KIAA1217: variants seen among roughly 807,000 people sequenced by gnomAD.
KIAA1217 encodes KIAA1217, also known as sickle tail protein homolog.
A neutral mutation model predicts 163.9 loss-of-function variants in KIAA1217; 88 were observed. That is an observed-to-expected ratio of 0.54 (90% CI 0.45 to 0.64). The LOEUF is 0.64. Among genes scored for constraint, KIAA1217 ranks in the 30% least tolerant of loss-of-function variants. The probability of loss-of-function intolerance (pLI) is 0.00; values close to 1 mark genes in which losing one functional copy is unlikely to be tolerated. For missense variants in KIAA1217, 2,372 were observed against 2,475.0 expected (o/e 0.96, Z 0.88); for synonymous variants, 903 against 923.1 (o/e 0.98, Z 0.39).
intron 2 of KIAA1217, among the ~76,000 whole-genome samples, chr10:24,302,000 A>G (rs2041411828): frequency 6.6e-6 from 1 of 152,182 alleles, no homozygotes; most frequent in African/African-American, 2.4e-5. Flanking sequence ...AGCCGAGATC[A>G]CGCCACTGCA....
chr10:24,057,033 T>A (rs2060554277), intron 2 of KIAA1217, among the ~76,000 whole-genome samples: 1 of 151,830 alleles, frequency 6.6e-6, no homozygotes, highest in Non-Finnish European at 1.5e-5. Flanking sequence ...ACACCTGTAA[T>A]CCTAACAGAA....
At chr10:24,506,695 GA>G (rs756237476) in intron 9 of KIAA1217, among the ~76,000 whole-genome samples, 6 of 152,238 alleles carry the variant, frequency 3.9e-5, no homozygotes, top group African/African-American at 9.6e-5. Context: ...AGAATGGGGG[GA>G]AAAAACCTAC....
chr10:24,144,624 A>G (rs1019670743), intron 2 of KIAA1217, among the ~76,000 whole-genome samples: 1 of 152,232 alleles, frequency 6.6e-6, no homozygotes, highest in Non-Finnish European at 1.5e-5. Context: ...ATGCGCAATC[A>G]GTACCTTTGC....
chr10:24,511,152 CAAAAA>C lies in KIAA1217; in HGVS notation c.2002-2090_2002-2086del, dbSNP rs58529942. 2.6e-4 allele frequency among the ~76,000 whole-genome samples: 9 copies of C among 34,510 alleles called. 1 individual carries two copies. Among genetic ancestry groups the C allele is most frequent in the African/African-American group, 1.7e-3 (9 of 5,154 alleles). The allele number at this position is 34,510 out of a possible 152,430, so 22.6% of individuals were successfully genotyped here. On this transcript the variant is annotated intron_variant, in intron 9 of 20. Coordinates refer to ENST00000376454, the MANE Select transcript of KIAA1217 (RefSeq NM_019590.5). ...TGGGCAACAGAGTGAGACTCTGTCTCAAAAAAAAAAAAAAAAAAAAAGGAGCCTGG... is the reference window on the plus strand; with the variant it reads ...TGGGCAACAGAGTGAGACTCTGTCTCAAAAAAAAAAAAAAAAGGAGCCTGG...
Position 23,700,444 on chromosome 10 carries a change from A to G in KIAA1217, c.-321+5210A>G, listed in dbSNP as rs537782773. ...GCCACAGCAATACTACTAACACATA[A>G]GGCAAATAATGTGACTCCTCTGCTT... On this transcript the variant is annotated intron_variant, in intron 1 of 18. Transcript: ENST00000376462. Among the ~76,000 whole-genome samples, 6 of 152,256 alleles carry G rather than the reference A, an allele frequency of 3.9e-5. No individual in the cohort carries two copies. The East Asian group carries it at 1.2e-3, about 29-fold the overall frequency.
chr10:24,318,169 ATAGAT>A (rs546509098), intron 2 of KIAA1217, among the ~76,000 whole-genome samples: 13 of 152,288 alleles, frequency 8.5e-5, no homozygotes, highest in Admixed American at 1.3e-4. Flanking sequence ...TTAGATAGAG[ATAGAT>A]TAGATTAGAG....
intron 1 of KIAA1217, among the ~76,000 whole-genome samples, chr10:23,830,706 G>GTAGT (rs1415168509): frequency 2.4e-5 from 3 of 126,876 alleles, no homozygotes; most frequent in Non-Finnish European, 5.2e-5. Flanking sequence ...AGGTAGGTAG[G>GTAGT]TAGATAGATA....
At chr10:23,850,206 A>C (rs1342062900) in intron 1 of KIAA1217, among the ~76,000 whole-genome samples, 2 of 152,134 alleles carry the variant, frequency 1.3e-5, no homozygotes, top group African/African-American at 4.8e-5. Context: ...AAGAAACAGA[A>C]TAGTTCACTC....
At chr10:23,943,873 C>T (rs918533104) in intron 1 of KIAA1217, among the ~76,000 whole-genome samples, 2 of 152,190 alleles carry the variant, frequency 1.3e-5, no homozygotes, top group African/African-American at 2.4e-5. Context: ...GTGGAAACAA[C>T]TGGATACACA....
intron 2 of KIAA1217, among the ~76,000 whole-genome samples, chr10:24,167,272 G>T (rs1295452955): frequency 8.8e-6 from 1 of 114,092 alleles, no homozygotes; most frequent in East Asian, 2.2e-4. Context: ...AGAAAGGTTT[G>T]GTGTGTATGT....
intron 2 of KIAA1217, among the ~76,000 whole-genome samples, chr10:24,095,102 C>T (rs955157859): frequency 2.6e-5 from 4 of 152,170 alleles, no homozygotes; most frequent in African/African-American, 4.8e-5. Context: ...GCAGTATTCA[C>T]GTGGGAGTGG....
At chr10:24,510,289 C>A (rs138841964) in intron 9 of KIAA1217, among the ~76,000 whole-genome samples, 69 of 152,212 alleles carry the variant, frequency 4.5e-4, no homozygotes, top group African/African-American at 1.6e-3. Context: ...TTTAAATATT[C>A]CACCAATAAT....
intron 1 of KIAA1217, among the ~76,000 whole-genome samples, chr10:23,949,284 A>G (rs1406139081): frequency 6.6e-6 from 1 of 152,216 alleles, no homozygotes; most frequent in African/African-American, 2.4e-5. Flanking sequence ...CAAAGAAGCC[A>G]TGAAAGAGGA....
At chr10:23,942,809 T>C (rs1843836784) in intron 1 of KIAA1217, among the ~76,000 whole-genome samples, 1 of 152,008 alleles carries the variant, frequency 6.6e-6, no homozygotes, top group South Asian at 2.1e-4. Context: ...CCATGCAACA[T>C]GTCAAGAAAA....
chr10:23,968,695 T>C (rs1845174712), intron 1 of KIAA1217, among the ~76,000 whole-genome samples: 2 of 152,356 alleles, frequency 1.3e-5, no homozygotes, highest in Middle Eastern at 3.4e-3. Context: ...TTGCCTCTTT[T>C]GGATATTTCA....
At chr10:24,086,529 T>A (rs967367248) in intron 2 of KIAA1217, among the ~76,000 whole-genome samples, 44 of 152,352 alleles carry the variant, frequency 2.9e-4, no homozygotes, top group African/African-American at 1.1e-3. Flanking sequence ...GAATTCTGAA[T>A]CTTATCAAGG....
At chr10:23,934,581 A>ATG (rs1485972122) in intron 1 of KIAA1217, among the ~76,000 whole-genome samples, 1 of 65,888 alleles carries the variant, frequency 1.5e-5, no homozygotes, top group South Asian at 3.9e-4. Context: ...ATATATATAT[A>ATG]TATATATATG....
chr10:23,775,944 C>T (rs1834991206), intron 1 of KIAA1217, among the ~76,000 whole-genome samples: 1 of 152,074 alleles, frequency 6.6e-6, no homozygotes, highest in Non-Finnish European at 1.5e-5. Flanking sequence ...ACTTCTATAA[C>T]CATAAAACAT....
intron 2 of KIAA1217, among the ~76,000 whole-genome samples, chr10:24,189,585 A>G (rs1213423658): frequency 1.3e-5 from 2 of 152,228 alleles, no homozygotes; most frequent in South Asian, 2.1e-4. Context: ...AGACAGATTA[A>G]CAAGAGAAAA....
Sources: gnomAD v4.1 joint callset for allele counts (sites outside exome capture counted in the v4.1 genomes callset) on GRCh38, gnomAD v4.1.1 for gene constraint, MANE v1.5 for transcripts, NCBI Gene and HGNC (gene_info 2026-07-23, HGNC 2026-07-21) for gene names.